Variants in JMJD1C observed in about 807,000 individuals in gnomAD.
The protein encoded by JMJD1C is jumonji domain-containing protein 1C.
A neutral mutation model predicts 245.3 loss-of-function variants in JMJD1C; 31 were observed. The observed-to-expected ratio is 0.13, with a 90% confidence interval of 0.09 to 0.17. The LOEUF is 0.17. JMJD1C is among the 10% of genes least tolerant of loss of function. The pLI is 1.00. For synonymous variants in JMJD1C, 1,057 were observed against 1,017.4 expected (o/e 1.04, Z -0.74); for missense variants, 2,691 against 3,000.2 (o/e 0.90, Z 2.41).
intron 2 of JMJD1C, among the ~76,000 whole-genome samples, chr10:63,277,877 C>T (rs1044966117): frequency 2.0e-5 from 3 of 150,984 alleles, no homozygotes; most frequent in Admixed American, 6.6e-5. Context: ...GCTGGGATTA[C>T]AGGTGTGCGC....
At chr10:63,398,540 T>C (rs1160053024) in intron 1 of JMJD1C, among the ~76,000 whole-genome samples, 1 of 152,192 alleles carries the variant, frequency 6.6e-6, no homozygotes, top group African/African-American at 2.4e-5. Context: ...TATATTTTTA[T>C]GTAACAGCAG....
intron 2 of JMJD1C, among the ~76,000 whole-genome samples, chr10:63,331,066 ATT>A (rs1942086147): frequency 6.6e-6 from 1 of 152,178 alleles, no homozygotes; most frequent in African/African-American, 2.4e-5. Flanking sequence ...CATAGTAATA[ATT>A]TGTTTTCTAA....
At chr10:63,381,644 A>G (rs1248390432) in intron 1 of JMJD1C, among the ~76,000 whole-genome samples, 1 of 152,240 alleles carries the variant, frequency 6.6e-6, no homozygotes. Flanking sequence ...AATGAGTATA[A>G]CAATATTTCA....
chr10:63,427,884 T>G, intron 1 of JMJD1C: 1 of 778,572 alleles, frequency 1.3e-6, no homozygotes, highest in South Asian at 1.4e-5. Context: ...CACTGGCAGC[T>G]ACAGAGAAGG....
At chr10:63,436,648 G>A (rs1247941977) in intron 1 of JMJD1C, among the ~76,000 whole-genome samples, 4 of 152,210 alleles carry the variant, frequency 2.6e-5, no homozygotes, top group Admixed American at 1.3e-4. Context: ...CCACAGTGAT[G>A]ACTGTTTTAA....
chr10:63,248,744 A>C (rs1214452860), intron 3 of JMJD1C, among the ~76,000 whole-genome samples: 1 of 152,130 alleles, frequency 6.6e-6, no homozygotes, highest in Non-Finnish European at 1.5e-5. Context: ...CAAAAGAAAT[A>C]AAATCAATAT....
chr10:63,434,237 A>G (rs184315369), intron 1 of JMJD1C, among the ~76,000 whole-genome samples: 1 of 152,352 alleles, frequency 6.6e-6, no homozygotes, highest in Admixed American at 6.5e-5. Context: ...GAATTAGCAG[A>G]GTTGGCATTT....
At chr10:63,489,386 G>A (rs918910196) in intron 1 of JMJD1C, 1 of 152,462 alleles carries the variant, frequency 6.6e-6, no homozygotes, top group Non-Finnish European at 1.5e-5. Flanking sequence ...GGCAAAATGA[G>A]TGAAACTCTG....
At chr10:63,389,205 A>G (rs1947849967) in intron 1 of JMJD1C, among the ~76,000 whole-genome samples, 1 of 150,798 alleles carries the variant, frequency 6.6e-6, no homozygotes, top group South Asian at 2.1e-4. Flanking sequence ...CCAGCTACTC[A>G]GGAGGCTGAG....
rs1843742358 is a variant in JMJD1C, at chr10:63,183,624, T to C, written c.6962-55A>G. ...AAATATTTATATATATGTAATAGCA[T>C]AATCAGATATTCCCCCAAATTAGCT... On this transcript the variant is annotated intron_variant, in intron 21 of 25. Transcript: ENST00000399262. 3.9e-6 allele frequency: 4 copies of C among 1,031,704 alleles called. No individual in the cohort carries two copies. The South Asian group carries it at 7.5e-5, about 19-fold the overall frequency. 63.9% of individuals were successfully genotyped at this position (1,031,704 alleles called of 1,614,324 possible).
intron 13 of JMJD1C, among the ~76,000 whole-genome samples, chr10:63,196,264 A>T (rs1038332462): frequency 1.3e-5 from 2 of 152,178 alleles, no homozygotes; most frequent in Non-Finnish European, 2.9e-5. Flanking sequence ...TCCAAAAAAA[A>T]AAGAAAAAGA....
intron 2 of JMJD1C, among the ~76,000 whole-genome samples, chr10:63,271,132 TATTTA>T (rs909412873): frequency 2.0e-5 from 3 of 152,212 alleles, no homozygotes; most frequent in East Asian, 1.9e-4. Context: ...GTGCAAGAAA[TATTTA>T]ATTTATTTTA....
intron 3 of JMJD1C, among the ~76,000 whole-genome samples, chr10:63,256,805 C>T (rs931253229): frequency 1.6e-4 from 24 of 152,118 alleles, no homozygotes; most frequent in African/African-American, 5.6e-4. Flanking sequence ...TTTATGTCAA[C>T]AAGGCACCTC....
At chr10:63,440,814 A>T (rs928528167) in intron 1 of JMJD1C, among the ~76,000 whole-genome samples, 15 of 152,190 alleles carry the variant, frequency 9.9e-5, no homozygotes, top group South Asian at 6.2e-4. Flanking sequence ...GAAACATAAA[A>T]CGGCACTGTG....
chr10:63,462,147 C>G (rs12247734), intron 1 of JMJD1C, among the ~76,000 whole-genome samples: 3 of 152,120 alleles, frequency 2.0e-5, no homozygotes, highest in Non-Finnish European at 4.4e-5. Flanking sequence ...ACAACTTGGT[C>G]CTCCTGCATA....
chr10:63,270,808 GAT>G (rs1856206099), intron 2 of JMJD1C, among the ~76,000 whole-genome samples: 1 of 152,212 alleles, frequency 6.6e-6, no homozygotes, highest in African/African-American at 2.4e-5. Context: ...CTTACGTGAT[GAT>G]ATGAGACTGA....
At chr10:63,402,122 A>T (rs563355485) in intron 1 of JMJD1C, among the ~76,000 whole-genome samples, 2 of 146,126 alleles carry the variant, frequency 1.4e-5, no homozygotes, top group African/African-American at 5.0e-5. Flanking sequence ...CAACAAGAGC[A>T]AACTCCGTCT....
chr10:63,497,794 A>C (rs1481911363), intron 1 of JMJD1C, among the ~76,000 whole-genome samples: 2 of 152,196 alleles, frequency 1.3e-5, no homozygotes, highest in African/African-American at 4.8e-5. Flanking sequence ...TCCCTAAAAA[A>C]CCCTAAGTAC....
At chr10:63,343,023 A>C (rs1047487480) in intron 2 of JMJD1C, among the ~76,000 whole-genome samples, 1 of 152,162 alleles carries the variant, frequency 6.6e-6, no homozygotes, top group African/African-American at 2.4e-5. Flanking sequence ...AAACACTTCC[A>C]GCCCCAAGCA....
Sources: gnomAD v4.1 joint callset for allele counts (sites outside exome capture counted in the v4.1 genomes callset) on GRCh38, gnomAD v4.1.1 for gene constraint, MANE v1.5 for transcripts, NCBI Gene and HGNC (gene_info 2026-07-23, HGNC 2026-07-21) for gene names.